The following ZNF611 variants were observed in gnomAD, a reference collection of about 807,000 sequenced individuals.
The protein encoded by ZNF611 is zinc finger protein 611.
Under a neutral mutation model 8.9 loss-of-function variants are expected in ZNF611, and 6 were observed. That is an observed-to-expected ratio of 0.68 (90% CI 0.37 to 1.34). The LOEUF is 1.34. Ranked by LOEUF, ZNF611 falls within the 40% of genes most tolerant of loss-of-function variation. The pLI is 0.02. For missense variants in ZNF611, 874 were observed against 841.3 expected (o/e 1.04, Z -0.48); for synonymous variants, 262 against 279.7 (o/e 0.94, Z 0.63).
At chr19:52,709,529 C>T (rs12462692) in intron 5 of ZNF611, among the ~76,000 whole-genome samples, 65,874 of 151,928 alleles carry the variant, frequency 0.43, 14,814 homozygotes, top group African/African-American at 0.55. Context: ...CCTCGCCTCC[C>T]AAAGTGCTGG....
intron 3 of ZNF611, among the ~76,000 whole-genome samples, chr19:52,725,058 C>T (rs1055681775): frequency 1.3e-5 from 2 of 152,122 alleles, no homozygotes; most frequent in African/African-American, 4.8e-5. Context: ...CTCTCTATCT[C>T]CTCATCTCTT....
chr19:52,704,933 AT>A lies in ZNF611; in HGVS notation c.*3del, dbSNP rs772868328. ...ATGGAAACTTTGTCACATGCTTCAC[AT>A]TTCTAAGGTTTCTCTCCAGTATGAA... On this transcript the variant is annotated 3_prime_UTR_variant, in exon 6 of 6. Transcript: ENST00000652185. The A allele has an allele frequency of 7.4e-6, 12 of 1,613,634 alleles. No individual in the cohort carries two copies. Among genetic ancestry groups the A allele is most frequent in the Non-Finnish European group, 9.3e-6 (11 of 1,179,766 alleles).
chr19:52,715,664 A>C (rs1300667220), intron 4 of ZNF611, among the ~76,000 whole-genome samples, 168 bp downstream of exon 4: 1 of 152,134 alleles, frequency 6.6e-6, no homozygotes, highest in Non-Finnish European at 1.5e-5. Flanking sequence ...ACTGGGTCAC[A>C]GGAGATGGAA....
At chr19:52,718,747 A>G (rs2062334809) in intron 3 of ZNF611, among the ~76,000 whole-genome samples, 1 of 152,114 alleles carries the variant, frequency 6.6e-6, no homozygotes, top group South Asian at 2.1e-4. Context: ...GCAGTGAACC[A>G]AGATCATGCC....
Position 52,714,122 on chromosome 19 carries a change from TC to T in ZNF611, c.82del (p.Asp28MetfsTer4), listed in dbSNP as rs2062299118. ...ALPQGRLTFRDVAIEFSLAEW... is the reference protein window; with the variant it reads ...ALPQGRLTFRXVAIEFSLAEW... ...TGCCAATGAGAATTCTATAGCCACA[TC>T]CCGGAAAGTCAAGCGTCCCTAAAAT... On this transcript the variant is annotated frameshift_variant, in exon 5 of 6. Coordinates refer to ENST00000652185, the MANE Select transcript of ZNF611 (RefSeq NM_001161499.2). LOFTEE classifies it high-confidence loss of function. 1 of 1,613,450 alleles carries T rather than the reference TC, an allele frequency of 6.2e-7. No individual in the cohort carries two copies. The highest frequency in any genetic ancestry group is 1.1e-5 in the South Asian group (1 of 90,938).
intron 5 of ZNF611, among the ~76,000 whole-genome samples, chr19:52,713,625 C>T (rs1600313500): frequency 6.6e-6 from 1 of 152,180 alleles, no homozygotes; most frequent in South Asian, 2.1e-4. Context: ...GGCATGGTGG[C>T]TCACGCCTGT....
intron 1 of ZNF611, among the ~76,000 whole-genome samples, chr19:52,731,695 G>A (rs1025249437): frequency 1.3e-5 from 2 of 152,118 alleles, no homozygotes; most frequent in African/African-American, 4.8e-5. Flanking sequence ...TATGGGCTAG[G>A]CGTGGTGGCT....
chr19:52,715,414 C>G (rs774122818), intron 4 of ZNF611, among the ~76,000 whole-genome samples: 1 of 152,192 alleles, frequency 6.6e-6, no homozygotes, highest in Non-Finnish European at 1.5e-5. Context: ...GATACCATGC[C>G]GGATACAAAA....
At chr19:52,727,804 C>T (rs2062401758) in intron 3 of ZNF611, among the ~76,000 whole-genome samples, 1 of 152,048 alleles carries the variant, frequency 6.6e-6, no homozygotes, top group Non-Finnish European at 1.5e-5. Context: ...CCTCTCAAGG[C>T]TCAGAATTAT....
rs2062235781 is a variant in ZNF611, at chr19:52,705,588, C to T, written c.1467G>A (p.Lys489=). Residue 489 remains lysine (K), a synonymous_variant, in exon 6 of 6, where the codon AAG becomes AAA. Coordinates refer to ENST00000652185, the MANE Select transcript of ZNF611 (RefSeq NM_001161499.2). ...EKPYKCNECG[K]TFGQNSDLLI... The stretch of plus-strand genomic sequence containing the variant: ...AAAGATCTGAATTTTGACCAAAGGT[C>T]TTCCCACATTCATTACACTTGTAAG... 1 of 1,613,946 alleles carries T rather than the reference C, an allele frequency of 6.2e-7. No individual in the cohort carries two copies. Among genetic ancestry groups the T allele is most frequent in the Admixed American group, 1.7e-5 (1 of 59,992 alleles).
At chr19:52,719,394 T>G (rs1192403179) in intron 3 of ZNF611, among the ~76,000 whole-genome samples, 5 of 152,152 alleles carry the variant, frequency 3.3e-5, no homozygotes, top group African/African-American at 4.8e-5. Context: ...GATCCACAAC[T>G]AACGAGTCAA....
intron 3 of ZNF611, among the ~76,000 whole-genome samples, chr19:52,722,250 C>T (rs2062364687): frequency 6.6e-6 from 1 of 151,934 alleles, no homozygotes; most frequent in Non-Finnish European, 1.5e-5. Context: ...GGCTTGGTGT[C>T]TCACACCTGT....
chr19:52,722,076 T>C (rs1055017826), intron 3 of ZNF611, among the ~76,000 whole-genome samples: 1 of 151,728 alleles, frequency 6.6e-6, no homozygotes, highest in Non-Finnish European at 1.5e-5. Context: ...ATAATTAGTA[T>C]GTAGGCCAGG....
rs1600303800 is a variant in ZNF611, at chr19:52,705,208, T to C, written c.1847A>G (p.His616Arg). 5 of 1,614,208 alleles carry C rather than the reference T, an allele frequency of 3.1e-6. No homozygotes were observed. The highest frequency in any genetic ancestry group is 1.1e-5 in the South Asian group (1 of 91,090). Residue 616 changes from histidine to arginine, a missense_variant, in exon 6 of 6, where the codon CAT becomes CGT. By Grantham distance (29) the His-to-Arg change is conservative. Coordinates refer to ENST00000652185, the MANE Select transcript of ZNF611 (RefSeq NM_001161499.2). Reference protein sequence around the residue: ...RSSLHCHRRLHSGEKPYKCNE... With the variant: ...RSSLHCHRRLRSGEKPYKCNE... ...ACACTTGTAAGGTTTCTCACCACTA[T>C]GAAGTCTACGATGGCAATGAAGGGA...
At chr19:52,734,187 G>GC (rs1324698406) in intron 1 of ZNF611, among the ~76,000 whole-genome samples, 199 of 84,658 alleles carry the variant, frequency 2.4e-3, no homozygotes, top group African/African-American at 8.6e-3. Flanking sequence ...GCTTTCTTAG[G>GC]TTTTTTTTTT....
At position 52,706,836 on chromosome 19, in the gene ZNF611, C is replaced by T. The variant is rs2062249246; in HGVS notation, c.219G>A (p.Glu73=). 5 of 1,609,838 alleles carry T rather than the reference C, an allele frequency of 3.1e-6. No homozygotes were observed. The highest frequency in any genetic ancestry group is 4.2e-6 in the Non-Finnish European group (5 of 1,178,652). ...TATTGCCTTGCCCTGTTGACAAGAC[C>T]TCCTTCATCATGCATTTGGAAGAGA... The part of the protein sequence containing the change: ...VDISSKCMMK[E]VLSTGQGNTE... Residue 73 remains glutamate, a synonymous_variant, in exon 6 of 6, where the codon GAG becomes GAA. Transcript: ENST00000652185.
intron 5 of ZNF611, among the ~76,000 whole-genome samples, chr19:52,709,937 CA>C (rs1483857777): frequency 5.3e-5 from 8 of 152,126 alleles, no homozygotes. Flanking sequence ...CACATCAGGA[CA>C]CGGCAGGAAG....
Position 52,713,816 on chromosome 19 carries a change from G to C in ZNF611, c.190+199C>G, listed in dbSNP as rs540547461. Among the ~76,000 whole-genome samples, 14 of 152,212 alleles carry C rather than the reference G, an allele frequency of 9.2e-5. No individual in the cohort carries two copies. In the South Asian group the frequency reaches 2.3e-3, roughly 25 times the overall value. On this transcript the variant is annotated intron_variant, in intron 5 of 5. Transcript: ENST00000652185. ...TGAGGCAGGAGAATCACTTGATCCT[G>C]AGGGGCGGAGGTTATGGTGAGCCAA...
At chr19:52,717,294 G>C (rs1414705056) in intron 3 of ZNF611, among the ~76,000 whole-genome samples, 1 of 152,188 alleles carries the variant, frequency 6.6e-6, no homozygotes, top group Non-Finnish European at 1.5e-5. Context: ...TGGTTTTACA[G>C]TGGCAATGTC....
Sources: allele counts gnomAD v4.1 joint callset (sites outside exome capture counted in the v4.1 genomes callset), GRCh38; gene constraint gnomAD v4.1.1; transcripts MANE v1.5; gene names NCBI Gene and HGNC (gene_info 2026-07-23, HGNC 2026-07-21).